SPATA22: variants seen among roughly 807,000 people sequenced by gnomAD.
The protein encoded by SPATA22 is spermatogenesis-associated protein 22.
In SPATA22, 29 loss-of-function variants were observed where a neutral mutation model predicts 47.8. The observed-to-expected ratio is 0.61, with a 90% CI of 0.45 to 0.83. The LOEUF is 0.83. Ranked by LOEUF, SPATA22 falls within the 40% of genes least tolerant of loss-of-function variation. SPATA22 has a pLI of 0.00. For missense variants in SPATA22, 410 were observed against 421.7 expected, an observed-to-expected ratio of 0.97 and a Z score of 0.24; for synonymous variants, 133 against 140.9, an observed-to-expected ratio of 0.94 and a Z score of 0.40.
intron 3 of SPATA22, among the ~76,000 whole-genome samples, chr17:3,464,460 G>GC (rs1357001404): frequency 7.0e-6 from 1 of 142,086 alleles, no homozygotes; most frequent in Non-Finnish European, 1.6e-5. Flanking sequence ...GATGTGAGGA[G>GC]CCCCTCTGCC....
chr17:3,476,106 T>C (rs2073517468), upstream of SPATA22: 10 of 1,532,728 alleles, frequency 6.5e-6, no homozygotes, highest in African/African-American at 1.4e-5. Context: ...AAAATCGAAT[T>C]TCCTTTGATC....
At chr17:3,483,068 A>G (rs962590387) in intron 1 of SPATA22, among the ~76,000 whole-genome samples, 1 of 151,676 alleles carries the variant, frequency 6.6e-6, no homozygotes, top group African/African-American at 2.4e-5. Context: ...TTTCATGCAG[A>G]TAAGCAGGAG....
At chr17:3,489,406 C>A in intron 1 of SPATA22, 1 of 1,356,554 alleles carries the variant, frequency 7.4e-7, no homozygotes, top group Non-Finnish European at 1.1e-6. Context: ...ACAATTGGAA[C>A]CTGGGTCAGA....
intron 1 of SPATA22, among the ~76,000 whole-genome samples, chr17:3,507,366 C>T (rs1316429131): frequency 6.6e-6 from 1 of 152,198 alleles, no homozygotes; most frequent in Admixed American, 6.5e-5. Context: ...CTTCTCCCCT[C>T]CTACCACCAT....
At chr17:3,471,431 C>T in intron 1 of SPATA22, 1 of 985,406 alleles carries the variant, frequency 1.0e-6, no homozygotes, top group African/African-American at 1.7e-5. Context: ...CCTCATTTAC[C>T]CCCAATCCCA....
chr17:3,458,600 T>C (rs1389245559), intron 5 of SPATA22, among the ~76,000 whole-genome samples: 2 of 152,094 alleles, frequency 1.3e-5, no homozygotes, highest in African/African-American at 2.4e-5. Context: ...CCCAGCACTT[T>C]GGGAGGCTGA....
intron 5 of SPATA22, among the ~76,000 whole-genome samples, chr17:3,449,884 G>A (rs185354149): frequency 2.3e-3 from 349 of 151,568 alleles, no homozygotes; most frequent in Non-Finnish European, 3.7e-3. Context: ...ACAGGGTCTC[G>A]TTCTGTTACC....
intron 1 of SPATA22, among the ~76,000 whole-genome samples, chr17:3,478,232 C>T (rs1463329447): frequency 3.9e-5 from 6 of 151,902 alleles, no homozygotes; most frequent in Non-Finnish European, 8.8e-5. Flanking sequence ...GCACAACTAG[C>T]CACTGTTCTA....
chr17:3,461,462 C>T (rs573137749), intron 5 of SPATA22, among the ~76,000 whole-genome samples: 1 of 152,002 alleles, frequency 6.6e-6, no homozygotes, highest in African/African-American at 2.4e-5. Flanking sequence ...ATCTGTTTAC[C>T]TAATTATCTG....
intron 5 of SPATA22, 84 bp downstream of exon 5, chr17:3,462,398 CG>C: frequency 1.1e-6 from 1 of 891,272 alleles, no homozygotes; most frequent in South Asian, 1.8e-5. Flanking sequence ...TGAGAAACAA[CG>C]AAGTGAAGGA....
At chr17:3,513,828 A>G (rs887174678) in exon 1 of SPATA22, 4 of 1,142,618 alleles carry the variant, frequency 3.5e-6, no homozygotes, top group African/African-American at 1.6e-5. Flanking sequence ...GCCGGACTCC[A>G]CCATCCCTCA....
chr17:3,456,743 A>C (rs568599199), intron 5 of SPATA22, among the ~76,000 whole-genome samples: 10 of 151,938 alleles, frequency 6.6e-5, no homozygotes, highest in South Asian at 6.2e-4. Flanking sequence ...GAGACACAAC[A>C]AAAAAAGATA....
chr17:3,446,608 A>C lies in SPATA22; in HGVS notation c.673-7T>G, dbSNP rs754578274. ...ACTGATACAATGAGGTTTCCTTTTG[A>C]AAAAATAAGAAACATAGTATTAGAA... On this transcript the variant is annotated splice_polypyrimidine_tract_variant and splice_region_variant and intron_variant, in intron 6 of 8. Transcript: ENST00000572969. 6.6e-7 allele frequency: 1 copy of C among 1,512,216 alleles called. No individual in the cohort carries two copies. Among genetic ancestry groups the C allele is most frequent in the East Asian group, 2.3e-5 (1 of 42,956 alleles). 93.7% of individuals were successfully genotyped at this position (1,512,216 alleles called of 1,614,324 possible).
intron 1 of SPATA22, among the ~76,000 whole-genome samples, chr17:3,480,113 G>C (rs1469178482): frequency 6.6e-6 from 1 of 152,130 alleles, no homozygotes. Context: ...TCTCTAATTA[G>C]GCCAGGTGTG....
At chr17:3,457,061 G>A (rs1293586711) in intron 5 of SPATA22, among the ~76,000 whole-genome samples, 1 of 152,076 alleles carries the variant, frequency 6.6e-6, no homozygotes, top group African/African-American at 2.4e-5. Context: ...AAATAGTAAG[G>A]GCTATCTATG....
chr17:3,458,846 G>A (rs72823973), intron 5 of SPATA22, among the ~76,000 whole-genome samples: 5,034 of 29,934 alleles, frequency 0.17, 199 homozygotes, highest in Admixed American at 0.36. Flanking sequence ...CAACAAGAGC[G>A]AAACTTCACA....
intron 8 of SPATA22, among the ~76,000 whole-genome samples, chr17:3,442,613 T>G (rs1247391607): frequency 6.6e-6 from 1 of 151,914 alleles, no homozygotes; most frequent in South Asian, 2.1e-4. Flanking sequence ...CCCTAACAGT[T>G]CCTAACTCTT....
chr17:3,507,656 C>T (rs1567623836), intron 1 of SPATA22, among the ~76,000 whole-genome samples: 2 of 152,198 alleles, frequency 1.3e-5, no homozygotes, highest in East Asian at 1.9e-4. Context: ...CATGTCATTC[C>T]GTCTGTCTCC....
intron 5 of SPATA22, among the ~76,000 whole-genome samples, chr17:3,455,553 A>C (rs1287809941): frequency 7.1e-6 from 1 of 141,828 alleles, no homozygotes; most frequent in African/African-American, 2.6e-5. Context: ...TAAATAGGGA[A>C]TCCTTTCCCC....
Sources: gnomAD v4.1 joint callset for allele counts (sites outside exome capture counted in the v4.1 genomes callset) on GRCh38, gnomAD v4.1.1 for gene constraint, MANE v1.5 for transcripts, NCBI Gene and HGNC (gene_info 2026-07-23, HGNC 2026-07-21) for gene names.